Variants in GRB14 observed in about 807,000 individuals in gnomAD.
GRB14 encodes the protein growth factor receptor bound protein 14.
In GRB14, 38 loss-of-function variants were observed where a neutral mutation model predicts 69.1. The observed-to-expected ratio is 0.55, with a 90% CI of 0.42 to 0.72. The LOEUF (loss-of-function observed/expected upper bound fraction) is 0.72. Ranked by LOEUF, GRB14 falls within the 30% of genes least tolerant of loss-of-function variation. GRB14 has a pLI of 0.00. For missense variants in GRB14, 666 were observed against 666.1 expected (o/e 1.00, Z 0.00); for synonymous variants, 247 against 241.3 (o/e 1.02, Z -0.22).
intron 9 of GRB14, among the ~76,000 whole-genome samples, chr2:164,499,678 ATACCCTGGATT>A: frequency 6.6e-6 from 1 of 152,260 alleles, no homozygotes; most frequent in Non-Finnish European, 1.5e-5. Context: ...AGGTCTGGGT[ATACCCTGGATT>A]ATCCAGCCCA....
chr2:164,497,663 A>T (rs1164415861), intron 9 of GRB14, among the ~76,000 whole-genome samples, 173 bp from the exon 10 acceptor site: 1 of 152,236 alleles, frequency 6.6e-6, no homozygotes, highest in Non-Finnish European at 1.5e-5. Context: ...AAGTGAAAAT[A>T]CATATTCAAG....
At chr2:164,509,563 G>A (rs1209352718) in intron 6 of GRB14, among the ~76,000 whole-genome samples, 1 of 152,074 alleles carries the variant, frequency 6.6e-6, no homozygotes, top group Non-Finnish European at 1.5e-5. Flanking sequence ...TAATAACTTG[G>A]AGAAGTGCTT....
chr2:164,505,324 T>C (rs1346861681), intron 8 of GRB14, among the ~76,000 whole-genome samples: 2 of 152,192 alleles, frequency 1.3e-5, no homozygotes, highest in African/African-American at 2.4e-5. Flanking sequence ...TTTTAGTGTA[T>C]TTCACCCATT....
At chr2:164,618,533 T>C (rs1160034625) in intron 2 of GRB14, among the ~76,000 whole-genome samples, 1 of 152,122 alleles carries the variant, frequency 6.6e-6, no homozygotes, top group Non-Finnish European at 1.5e-5. Flanking sequence ...CAGAACATAG[T>C]TCTGCTTCTA....
intron 2 of GRB14, among the ~76,000 whole-genome samples, chr2:164,575,371 A>C (rs913686803): frequency 5.3e-5 from 8 of 152,238 alleles, no homozygotes; most frequent in Admixed American, 1.3e-4. Flanking sequence ...TGAGTGAAAT[A>C]ACTGAAATAA....
At chr2:164,609,760 G>A (rs1690123716) in intron 2 of GRB14, among the ~76,000 whole-genome samples, 1 of 151,976 alleles carries the variant, frequency 6.6e-6, no homozygotes, top group Non-Finnish European at 1.5e-5. Flanking sequence ...ATCCCTCAAG[G>A]GTTATTATAT....
intron 2 of GRB14, among the ~76,000 whole-genome samples, chr2:164,579,181 A>G (rs1689330345): frequency 6.6e-6 from 1 of 152,194 alleles, no homozygotes. Flanking sequence ...CAAAAGACAT[A>G]ATAAAGATTT....
intron 3 of GRB14, among the ~76,000 whole-genome samples, chr2:164,533,900 T>A (rs1466907264): frequency 6.6e-6 from 1 of 152,044 alleles, no homozygotes; most frequent in Non-Finnish European, 1.5e-5. Context: ...AATACCAATC[T>A]TGAAAAAATA....
At chr2:164,599,469 T>C (rs1047570733) in intron 2 of GRB14, among the ~76,000 whole-genome samples, 11 of 152,210 alleles carry the variant, frequency 7.2e-5, no homozygotes, top group Admixed American at 1.3e-4. Flanking sequence ...CAATGTTTCA[T>C]AGCAGAAACT....
chr2:164,614,334 C>A (rs570546090), intron 2 of GRB14, among the ~76,000 whole-genome samples: 1 of 152,086 alleles, frequency 6.6e-6, no homozygotes, highest in Non-Finnish European at 1.5e-5. Context: ...GGCCTAAATA[C>A]AATTTATGAT....
rs893730239 is a variant in GRB14, at chr2:164,572,388, C to T, written c.325-24572G>A. On this transcript the variant is annotated intron_variant, in intron 2 of 13. Transcript: ENST00000263915. ...GTTCATTAAGCCCCACAATGAAGGC[C>T]CAAGGCCAGTCACACCTCTTCTGAA... Among the ~76,000 whole-genome samples, 5 of 152,232 alleles carry T rather than the reference C, an allele frequency of 3.3e-5. No homozygotes were observed. In the East Asian group the frequency reaches 9.7e-4, roughly 29 times the overall value.
At chr2:164,513,554 A>T (rs1246413237) in intron 6 of GRB14, among the ~76,000 whole-genome samples, 1 of 152,208 alleles carries the variant, frequency 6.6e-6, no homozygotes, top group Admixed American at 6.5e-5. Flanking sequence ...AAATCCTAAG[A>T]CAAATGCAAA....
intron 2 of GRB14, among the ~76,000 whole-genome samples, chr2:164,563,076 T>C (rs1688874966): frequency 6.6e-6 from 1 of 152,056 alleles, no homozygotes; most frequent in Admixed American, 6.6e-5. Context: ...ACCACTTCAC[T>C]ATCACCTTCC....
intron 4 of GRB14, among the ~76,000 whole-genome samples, chr2:164,525,909 CCAGA>C (rs1213425822): frequency 1.3e-5 from 2 of 151,956 alleles, no homozygotes; most frequent in Non-Finnish European, 2.9e-5. Flanking sequence ...AAAAATGTGT[CCAGA>C]CATTGTCCAA....
intron 3 of GRB14, among the ~76,000 whole-genome samples, chr2:164,533,969 A>G (rs1688017207): frequency 1.3e-5 from 2 of 152,238 alleles, no homozygotes; most frequent in African/African-American, 4.8e-5. Flanking sequence ...GAGTATTTAC[A>G]TACTGCAATT....
intron 2 of GRB14, among the ~76,000 whole-genome samples, chr2:164,557,043 A>G (rs1361486437): frequency 6.6e-6 from 1 of 152,208 alleles, no homozygotes; most frequent in Non-Finnish European, 1.5e-5. Flanking sequence ...CATGAAACTT[A>G]TGGACTGAAC....
rs141360938 is a variant in GRB14, at chr2:164,593,446, C to T, written c.324+26241G>A. The stretch of plus-strand genomic sequence containing the variant: ...ATAAATAAAAGACAATTTTAAAATG[C>T]CTTGAGCAAAAAATGACTAGAATTC... On this transcript the variant is annotated intron_variant, in intron 2 of 13. Transcript: ENST00000263915. Among the ~76,000 whole-genome samples, 637 of 152,070 alleles carry T rather than the reference C, an allele frequency of 4.2e-3. 6 individuals are homozygous for T. The highest frequency in any genetic ancestry group is 7.0e-3 in the Non-Finnish European group (474 of 67,974).
chr2:164,551,832 T>G (rs966270907), intron 2 of GRB14, among the ~76,000 whole-genome samples: 1 of 152,212 alleles, frequency 6.6e-6, no homozygotes, highest in Non-Finnish European at 1.5e-5. Context: ...TGTCTTAGAC[T>G]GTTTTGTGCT....
rs1457436581 is a variant in GRB14 at position 164,497,225 on chromosome 2, G to A, written c.1280C>T (p.Ser427Phe). ...AACAGACATACCCATGTTTGTGGCA[G>A]AGCTCTGTGAAGAGGCAGTGGGGCT... is the stretch of plus-strand genomic sequence containing the variant. ...HGSPTASSQS[S>F]ATNMAIHRSQ... is the part of the protein sequence containing the mutation. The change falls in exon 11 of 14, where the codon TCT becomes TTT. Residue 427 changes from serine to phenylalanine, a missense_variant. Physicochemically the swap from Ser to Phe is radical, Grantham distance 155. Coordinates refer to ENST00000263915, the MANE Select transcript of GRB14 (RefSeq NM_004490.3). 1 of 1,613,594 alleles carries A rather than the reference G, an allele frequency of 6.2e-7. No homozygotes were observed. Among genetic ancestry groups the A allele is most frequent in the African/African-American group, 1.3e-5 (1 of 74,922 alleles).
Sources: gnomAD v4.1 joint callset for allele counts (sites outside exome capture counted in the v4.1 genomes callset) on GRCh38, gnomAD v4.1.1 for gene constraint, MANE v1.5 for transcripts, NCBI Gene and HGNC (gene_info 2026-07-23, HGNC 2026-07-21) for gene names.